The following PXT1 variants were observed in gnomAD, a reference collection of about 807,000 sequenced individuals.
PXT1 encodes peroxisomal testis-specific protein 1.
Under a neutral mutation model 11.0 loss-of-function variants are expected in PXT1, and 11 were observed. The observed-to-expected ratio is 1.00, with a 90% CI of 0.63 to 1.66. The LOEUF (loss-of-function observed/expected upper bound fraction) is 1.66, where lower values mean the gene tolerates loss of function less well. Ranked by LOEUF, PXT1 falls within the 40% of genes most tolerant of loss-of-function variation. The probability of loss-of-function intolerance (pLI) is 0.00; values close to 1 mark genes in which losing one functional copy is unlikely to be tolerated. For synonymous variants in PXT1, 43 were observed against 51.4 expected (o/e 0.84, Z 0.70); for missense variants, 141 against 155.5 (o/e 0.91, Z 0.49).
chr6:36,432,964 C>A (rs796909917), intron 2 of PXT1, among the ~76,000 whole-genome samples: 24 of 150,894 alleles, frequency 1.6e-4, no homozygotes, highest in Admixed American at 4.6e-4. Flanking sequence ...GGGGAAAAAA[C>A]CTGACATATT....
At chr6:36,399,135 TCA>T (rs1286317831) in intron 4 of PXT1, among the ~76,000 whole-genome samples, 42 of 80,858 alleles carry the variant, frequency 5.2e-4, no homozygotes, top group Admixed American at 1.9e-3. Context: ...TTATTTTATT[TCA>T]TTTCATTTCA....
chr6:36,435,091 GA>G (rs1006083160), intron 2 of PXT1, among the ~76,000 whole-genome samples: 420 of 142,362 alleles, frequency 3.0e-3, no homozygotes, highest in African/African-American at 9.7e-3. Context: ...AAGAATTCCA[GA>G]AAAAAAAAAG....
chr6:36,425,800 C>CAAAAACAAACAAACAAACAAAA (rs1433662209), intron 3 of PXT1, 114 bp downstream of exon 3: 6 of 216,714 alleles, frequency 2.8e-5, no homozygotes, highest in African/African-American at 2.0e-4. Context: ...AAAACAAAAA[C>CAAAAACAAACAAACAAACAAAA]AAAAAATATA....
intron 4 of PXT1, among the ~76,000 whole-genome samples, chr6:36,396,179 T>C (rs1012416371): frequency 6.6e-6 from 1 of 152,194 alleles, no homozygotes; most frequent in African/African-American, 2.4e-5. Context: ...CCCTCATATT[T>C]ACAGCCCACT....
chr6:36,404,681 G>A (rs994259845), intron 3 of PXT1, among the ~76,000 whole-genome samples: 1 of 152,118 alleles, frequency 6.6e-6, no homozygotes, highest in Non-Finnish European at 1.5e-5. Context: ...GGGGGAGCTG[G>A]GCGCAGTGGC....
chr6:36,417,820 A>G (rs1358811475), intron 3 of PXT1, among the ~76,000 whole-genome samples: 1 of 151,842 alleles, frequency 6.6e-6, no homozygotes, highest in Non-Finnish European at 1.5e-5. Flanking sequence ...GAGAGAGAGG[A>G]ATAAATGTAA....
At chr6:36,426,775 T>C (rs1219296273) in intron 2 of PXT1, among the ~76,000 whole-genome samples, 1 of 152,078 alleles carries the variant, frequency 6.6e-6, no homozygotes, top group Non-Finnish European at 1.5e-5. Flanking sequence ...GATCAAAACC[T>C]AGAGAGGCGG....
chr6:36,413,027 T>G (rs1406750595), intron 3 of PXT1, among the ~76,000 whole-genome samples: 1 of 151,908 alleles, frequency 6.6e-6, no homozygotes, highest in Non-Finnish European at 1.5e-5. Flanking sequence ...AGGACCAGCA[T>G]CTGATTAATG....
At chr6:36,425,800 C>CAAAACAAACAAACAAAAAAAAAAAA (rs1554154110) in intron 3 of PXT1, 114 bp downstream of exon 3, 1 of 215,662 alleles carries the variant, frequency 4.6e-6, no homozygotes, top group African/African-American at 3.4e-5. Context: ...AAAACAAAAA[C>CAAAACAAACAAACAAAAAAAAAAAA]AAAAAATATA....
At chr6:36,402,180 C>A (rs533970759) in intron 3 of PXT1, among the ~76,000 whole-genome samples, 1 of 152,168 alleles carries the variant, frequency 6.6e-6, no homozygotes, top group African/African-American at 2.4e-5. Context: ...TTCCAGCAAC[C>A]AATGAGCGTT....
intron 3 of PXT1, among the ~76,000 whole-genome samples, chr6:36,414,029 G>A (rs541707379): frequency 6.6e-6 from 1 of 152,248 alleles, no homozygotes; most frequent in African/African-American, 2.4e-5. Flanking sequence ...TTAAAAATAT[G>A]GGAGCGTTTA....
intron 3 of PXT1, among the ~76,000 whole-genome samples, chr6:36,423,028 T>C (rs1369294154): frequency 2.1e-5 from 2 of 95,780 alleles, no homozygotes; most frequent in African/African-American, 7.2e-5. Context: ...CCCTCAACTC[T>C]TCTAAGAAAA....
chr6:36,439,507 G>A (rs1774824049), intron 1 of PXT1, among the ~76,000 whole-genome samples: 1 of 151,766 alleles, frequency 6.6e-6, no homozygotes, highest in Non-Finnish European at 1.5e-5. Context: ...CAGTTACTTG[G>A]GAGGCTGAGG....
intron 2 of PXT1, among the ~76,000 whole-genome samples, chr6:36,427,625 TC>T (rs1361246975): frequency 6.6e-6 from 1 of 152,172 alleles, no homozygotes; most frequent in East Asian, 1.9e-4. Context: ...ATCTAATATA[TC>T]CCCAAATAAA....
chr6:36,423,504 C>T (rs1384801883), intron 3 of PXT1, among the ~76,000 whole-genome samples: 3 of 152,242 alleles, frequency 2.0e-5, no homozygotes, highest in African/African-American at 7.2e-5. Context: ...CGGCGGCGCG[C>T]GCGTAGCTCG....
At chr6:36,440,712 T>C (rs149666182) in intron 1 of PXT1, among the ~76,000 whole-genome samples, 41 of 152,250 alleles carry the variant, frequency 2.7e-4, no homozygotes, top group African/African-American at 7.9e-4. Flanking sequence ...TGAATATACA[T>C]TTCTCATATC....
At chr6:36,406,151 T>G (rs773203076) in intron 3 of PXT1, among the ~76,000 whole-genome samples, 18 of 152,194 alleles carry the variant, frequency 1.2e-4, no homozygotes, top group Non-Finnish European at 2.4e-4. Flanking sequence ...CCACACCCCC[T>G]TCCAGGAGAA....
intron 2 of PXT1, among the ~76,000 whole-genome samples, chr6:36,431,358 G>C (rs1049807754): frequency 3.9e-5 from 6 of 152,186 alleles, no homozygotes; most frequent in African/African-American, 1.2e-4. Flanking sequence ...TGAATGCCAG[G>C]CACTGCTCTG....
intron 3 of PXT1, among the ~76,000 whole-genome samples, chr6:36,423,379 C>T (rs1019108704): frequency 6.6e-6 from 1 of 152,252 alleles, no homozygotes; most frequent in African/African-American, 2.4e-5. Context: ...GAACCCCGCT[C>T]CCGCCCTAGG....
Sources: gnomAD v4.1 joint callset for allele counts (sites outside exome capture counted in the v4.1 genomes callset) on GRCh38, gnomAD v4.1.1 for gene constraint, MANE v1.5 for transcripts, NCBI Gene and HGNC (gene_info 2026-07-23, HGNC 2026-07-21) for gene names.